The following KIAA1328 variants were observed in gnomAD, a reference collection of about 807,000 sequenced individuals.
The protein encoded by KIAA1328 is protein hinderin.
A neutral mutation model predicts 68.1 loss-of-function variants in KIAA1328; 52 were observed. The observed-to-expected ratio is 0.76, with a 90% CI of 0.61 to 0.96. The LOEUF (loss-of-function observed/expected upper bound fraction) is 0.96. Ranked by LOEUF, KIAA1328 falls within the 40% of genes least tolerant of loss-of-function variation. The probability of loss-of-function intolerance (pLI) is 0.00; values close to 1 mark genes in which losing one functional copy is unlikely to be tolerated. For missense variants in KIAA1328, 641 were observed against 677.6 expected (o/e 0.95, Z 0.60); for synonymous variants, 232 against 239.4 (o/e 0.97, Z 0.28).
At chr18:36,891,085 T>C (rs2048670700) in intron 5 of KIAA1328, among the ~76,000 whole-genome samples, 2 of 152,162 alleles carry the variant, frequency 1.3e-5, no homozygotes, top group African/African-American at 4.8e-5. Flanking sequence ...TGAGATAGCA[T>C]TTCACAACTG....
chr18:36,838,856 T>C (rs1436423645), intron 3 of KIAA1328, among the ~76,000 whole-genome samples: 2 of 152,140 alleles, frequency 1.3e-5, no homozygotes, highest in Non-Finnish European at 2.9e-5. Context: ...TACCTCAGCC[T>C]CCTGAGTAGC....
rs1012406900 is a variant in KIAA1328 at position 37,222,327 on chromosome 18, C to T, written c.*100C>T. On this transcript the variant is annotated 3_prime_UTR_variant, in exon 10 of 10. Transcript: ENST00000280020. ...CAAAGTAATTGTGTCTCTCCTTTCACGGGGACTTGTCTCACTAGCATCCTG... is the reference window on the plus strand; with the variant it reads ...CAAAGTAATTGTGTCTCTCCTTTCATGGGGACTTGTCTCACTAGCATCCTG... 6.7e-7 allele frequency: 1 copy of T among 1,503,672 alleles called. No homozygotes were observed. The highest frequency in any genetic ancestry group is 8.9e-7 in the Non-Finnish European group (1 of 1,128,036). 93.1% of individuals were successfully genotyped at this position (1,503,672 alleles called of 1,614,324 possible).
chr18:36,963,675 C>T (rs1483287143), intron 6 of KIAA1328, among the ~76,000 whole-genome samples: 1 of 152,136 alleles, frequency 6.6e-6, no homozygotes, highest in Non-Finnish European at 1.5e-5. Flanking sequence ...TGACCTAATT[C>T]TCTTCCCACT....
Position 37,089,417 on chromosome 18 carries a change from C to A in KIAA1328, c.1232+21872C>A, listed in dbSNP as rs574615208. Among the ~76,000 whole-genome samples, 4 of 141,952 alleles carry A rather than the reference C, an allele frequency of 2.8e-5. No homozygotes were observed. The East Asian group carries it at 8.1e-4, about 29-fold the overall frequency. 93.1% of individuals were successfully genotyped at this position (141,952 alleles called of 152,430 possible). A position where few individuals can be genotyped will look rare whatever the true frequency, so the allele number is the denominator to read the frequency against. The stretch of plus-strand genomic sequence containing the variant: ...TTAGATGAAGTCTCATTCTGTCACC[C>A]GGGCTGGAGTGCAGTGTCACAATCT... On this transcript the variant is annotated intron_variant, in intron 7 of 9. Transcript: ENST00000280020.
At chr18:37,117,305 A>G (rs2058138131) in intron 7 of KIAA1328, among the ~76,000 whole-genome samples, 1 of 152,196 alleles carries the variant, frequency 6.6e-6, no homozygotes, top group Non-Finnish European at 1.5e-5. Flanking sequence ...ATGGAATACT[A>G]TGCAGCCATA....
chr18:37,221,961 G>T, intron 9 of KIAA1328, 56 bp from the exon 10 acceptor site: 1 of 1,547,864 alleles, frequency 6.5e-7, no homozygotes, highest in Non-Finnish European at 8.8e-7. Flanking sequence ...TGGGCTTCTT[G>T]AATTCTCATT....
intron 5 of KIAA1328, among the ~76,000 whole-genome samples, chr18:36,934,046 C>G (rs2050410032): frequency 1.3e-5 from 2 of 152,152 alleles, no homozygotes; most frequent in Non-Finnish European, 2.9e-5. Context: ...ATCCCCCTAC[C>G]AGTTCAGATA....
chr18:37,086,205 T>G (rs1166590595), intron 7 of KIAA1328, among the ~76,000 whole-genome samples: 1 of 152,198 alleles, frequency 6.6e-6, no homozygotes, highest in African/African-American at 2.4e-5. Context: ...TATAGTTGAA[T>G]ATTACTAAGA....
At chr18:36,888,769 C>T (rs1278480660) in intron 5 of KIAA1328, among the ~76,000 whole-genome samples, 1 of 151,814 alleles carries the variant, frequency 6.6e-6, no homozygotes, top group Non-Finnish European at 1.5e-5. Flanking sequence ...AACTTAGAAA[C>T]ATAAAACAAG....
At chr18:36,933,269 ATG>A (rs1270709450) in intron 5 of KIAA1328, among the ~76,000 whole-genome samples, 2 of 152,074 alleles carry the variant, frequency 1.3e-5, no homozygotes, top group African/African-American at 4.8e-5. Flanking sequence ...TTGTATTTCC[ATG>A]TGTTTGCAGC....
At chr18:36,893,803 G>A (rs1375702449) in intron 5 of KIAA1328, among the ~76,000 whole-genome samples, 1 of 151,982 alleles carries the variant, frequency 6.6e-6, no homozygotes, top group Non-Finnish European at 1.5e-5. Flanking sequence ...AAAAAACACA[G>A]AAGAACTAAA....
At chr18:36,947,709 A>G (rs1364403020) in intron 5 of KIAA1328, among the ~76,000 whole-genome samples, 1 of 152,180 alleles carries the variant, frequency 6.6e-6, no homozygotes, top group African/African-American at 2.4e-5. Flanking sequence ...TCTCTTCAGG[A>G]ACAGAAGAAC....
At chr18:37,117,817 T>C (rs1328898428) in intron 7 of KIAA1328, among the ~76,000 whole-genome samples, 1 of 151,470 alleles carries the variant, frequency 6.6e-6, no homozygotes, top group Admixed American at 6.6e-5. Context: ...TAACTTTTAA[T>C]GCATCTCACG....
intron 6 of KIAA1328, among the ~76,000 whole-genome samples, chr18:36,968,488 A>G (rs1034552386): frequency 6.6e-6 from 1 of 152,132 alleles, no homozygotes; most frequent in Non-Finnish European, 1.5e-5. Flanking sequence ...GACAAAACAG[A>G]CTTTAAACAT....
At chr18:37,069,018 T>A (rs146949029) in intron 7 of KIAA1328, among the ~76,000 whole-genome samples, 1 of 152,270 alleles carries the variant, frequency 6.6e-6, no homozygotes, top group East Asian at 1.9e-4. Flanking sequence ...CTGTTACGGA[T>A]TATATAAAGT....
At chr18:36,993,870 CAG>C (rs1294653872) in intron 6 of KIAA1328, among the ~76,000 whole-genome samples, 2 of 151,274 alleles carry the variant, frequency 1.3e-5, no homozygotes, top group African/African-American at 2.4e-5. Flanking sequence ...GAGTAACAAA[CAG>C]AGGTGTTTTA....
chr18:37,171,304 T>C (rs373390519), intron 8 of KIAA1328, among the ~76,000 whole-genome samples: 15 of 152,132 alleles, frequency 9.9e-5, no homozygotes, highest in East Asian at 1.9e-4. Flanking sequence ...CTCAACCTCC[T>C]GGGCTCAAGG....
intron 6 of KIAA1328, among the ~76,000 whole-genome samples, chr18:37,007,136 A>G (rs1020582925): frequency 6.6e-6 from 1 of 152,132 alleles, no homozygotes; most frequent in Non-Finnish European, 1.5e-5. Flanking sequence ...CATGCCATTG[A>G]ATCCTAAGGA....
chr18:37,057,851 A>C (rs2055981391), intron 6 of KIAA1328, among the ~76,000 whole-genome samples: 1 of 152,204 alleles, frequency 6.6e-6, no homozygotes, highest in African/African-American at 2.4e-5. Flanking sequence ...CTGTGCAGCT[A>C]TGACAAGGAT....
Sources: allele counts gnomAD v4.1 joint callset (sites outside exome capture counted in the v4.1 genomes callset), GRCh38; gene constraint gnomAD v4.1.1; transcripts MANE v1.5; gene names NCBI Gene and HGNC (gene_info 2026-07-23, HGNC 2026-07-21).